Variants in SARNP observed in about 807,000 individuals in gnomAD.
The protein encoded by SARNP is SAP domain-containing ribonucleoprotein.
A neutral mutation model predicts 38.1 loss-of-function variants in SARNP; 5 were observed. That is an observed-to-expected ratio of 0.13 (90% CI 0.07 to 0.28). The LOEUF (loss-of-function observed/expected upper bound fraction) is 0.28, where lower values mean the gene tolerates loss of function less well. SARNP is among the 10% of genes least tolerant of loss of function. SARNP has a pLI of 1.00. For missense variants in SARNP, 180 were observed against 243.9 expected, an observed-to-expected ratio of 0.74 and a Z score of 1.75; for synonymous variants, 84 against 80.6, an observed-to-expected ratio of 1.04 and a Z score of -0.23.
At position 55,800,583 on chromosome 12, in the gene SARNP, G is replaced by T. The variant is rs200530673; in HGVS notation, c.230C>A (p.Pro77His). 3.7e-6 allele frequency: 6 copies of T among 1,610,896 alleles called. No individual in the cohort carries two copies. The highest frequency in any genetic ancestry group is 3.4e-5 in the Admixed American group (2 of 59,476). ...TTACACATCAACAGTTTTTTCAGGG[G>T]GTTCTTCCTCTTTGACAGGGAGCTC... ...PIELPVKEEE[P>H]PEKTVDVAAE... Residue 77 changes from proline to histidine, a missense_variant, in exon 4 of 11, where the codon CCC becomes CAC. By Grantham distance (77) the Pro-to-His change is moderately conservative. Around this residue, in one of 2 missense-constraint regions of SARNP, gnomAD observed 161 missense variants for 194.1 expected, o/e 0.83. Transcript: ENST00000336133.
chr12:55,760,689 C>T, intron 9 of SARNP, 49 bp from the exon 10 acceptor site: 7 of 1,221,634 alleles, frequency 5.7e-6, no homozygotes, highest in South Asian at 1.2e-5. Context: ...CTCCATTCAC[C>T]AAGTAAATGG....
At chr12:55,791,336 T>C (rs1439845440) in intron 7 of SARNP, among the ~76,000 whole-genome samples, 1 of 152,204 alleles carries the variant, frequency 6.6e-6, no homozygotes, top group Non-Finnish European at 1.5e-5. Flanking sequence ...ATAAATTGCA[T>C]CTCAGTAAAG....
Position 55,794,351 on chromosome 12 carries a change from A to C in SARNP, c.406+8T>G. The C allele has an allele frequency of 6.2e-7, 1 of 1,605,764 alleles. No homozygotes were observed. Among genetic ancestry groups the C allele is most frequent in the East Asian group, 2.2e-5 (1 of 44,804 alleles). On this transcript the variant is annotated splice_region_variant and intron_variant, in intron 7 of 10. Coordinates refer to ENST00000336133, the MANE Select transcript of SARNP (RefSeq NM_033082.4). ...GTAACTTTCTCAGAAGTATCTCTGT[A>C]CTCTTACCTTTTGTTGGAACTGAAG...
intron 4 of SARNP, among the ~76,000 whole-genome samples, chr12:55,796,712 C>G (rs1412699038): frequency 6.6e-6 from 1 of 152,114 alleles, no homozygotes; most frequent in Non-Finnish European, 1.5e-5. Flanking sequence ...CTTTAATTTA[C>G]TTTTGAACTA....
intron 1 of SARNP, among the ~76,000 whole-genome samples, chr12:55,811,068 C>T (rs1461246136): frequency 8.1e-6 from 1 of 124,148 alleles, no homozygotes; most frequent in African/African-American, 3.1e-5. Context: ...GGTGACAGAG[C>T]GAGACTCCAT....
intron 10 of SARNP, among the ~76,000 whole-genome samples, chr12:55,758,685 G>T (rs1232328450): frequency 1.3e-5 from 2 of 151,892 alleles, no homozygotes; most frequent in African/African-American, 4.8e-5. Context: ...CATCCTGTTG[G>T]TACTGTCCTC....
chr12:55,806,887 A>C (rs1309855066), intron 1 of SARNP, among the ~76,000 whole-genome samples: 2 of 152,226 alleles, frequency 1.3e-5, no homozygotes, highest in Non-Finnish European at 2.9e-5. Context: ...GACAGCCAAA[A>C]AATGCTTTAT....
chr12:55,775,060 T>C (rs1274963947), intron 9 of SARNP, among the ~76,000 whole-genome samples: 1 of 150,686 alleles, frequency 6.6e-6, no homozygotes, highest in Admixed American at 6.6e-5. Context: ...CTAATTTTTT[T>C]GTATTTTTAG....
chr12:55,808,344 G>C lies in SARNP; in HGVS notation c.37-4616C>G, dbSNP rs569346240. On this transcript the variant is annotated intron_variant, in intron 1 of 10. Transcript: ENST00000336133. Reference sequence around the variant, plus strand: ...ACAATTTTTTTTTTTTTGAGATGGAGTTTCACTCTTGCTGCCCAGGCTGGA... The same window carrying C: ...ACAATTTTTTTTTTTTTGAGATGGACTTTCACTCTTGCTGCCCAGGCTGGA... 2.6e-5 allele frequency among the ~76,000 whole-genome samples: 4 copies of C among 151,358 alleles called. No individual in the cohort carries two copies. In the East Asian group the frequency reaches 7.8e-4, roughly 30 times the overall value.
intron 9 of SARNP, among the ~76,000 whole-genome samples, chr12:55,780,319 T>A (rs1167856909): frequency 6.6e-6 from 1 of 152,048 alleles, no homozygotes; most frequent in Admixed American, 6.6e-5. Context: ...CCGGGCATAG[T>A]AGCACATGCC....
chr12:55,785,552 G>A (rs1021461995), intron 9 of SARNP, among the ~76,000 whole-genome samples: 2 of 148,680 alleles, frequency 1.3e-5, no homozygotes, highest in Non-Finnish European at 3.0e-5. Context: ...CACTTTGGGA[G>A]GCCAAAGTGA....
intron 9 of SARNP, among the ~76,000 whole-genome samples, chr12:55,761,203 CAGTA>C (rs1878665690): frequency 6.6e-6 from 1 of 150,888 alleles, no homozygotes; most frequent in Non-Finnish European, 1.5e-5. Context: ...ATAAAATAAA[CAGTA>C]AGAAACACCC....
chr12:55,804,151 C>T (rs1880066590), intron 1 of SARNP, among the ~76,000 whole-genome samples: 3 of 152,264 alleles, frequency 2.0e-5, no homozygotes, highest in South Asian at 4.1e-4. Flanking sequence ...ATCCCAGATC[C>T]GTTATTACAA....
intron 9 of SARNP, among the ~76,000 whole-genome samples, chr12:55,769,577 T>C (rs1194256592): frequency 6.6e-6 from 1 of 152,234 alleles, no homozygotes; most frequent in Admixed American, 6.5e-5. Flanking sequence ...CCCTTTCTAC[T>C]GGCTGCCATA....
intron 1 of SARNP, among the ~76,000 whole-genome samples, chr12:55,810,851 C>T (rs1592584188): frequency 2.7e-5 from 4 of 150,854 alleles, no homozygotes; most frequent in Admixed American, 6.6e-5. Flanking sequence ...CCGAGGCGGG[C>T]GGATCACCTG....
intron 2 of SARNP, among the ~76,000 whole-genome samples, chr12:55,803,127 T>C (rs574397653): frequency 9.2e-5 from 14 of 151,624 alleles, no homozygotes; most frequent in South Asian, 2.1e-4. Flanking sequence ...AAATGAGGAA[T>C]AGAAATAAAA....
In SARNP at chr12:55,790,601, GTAAA is replaced by G; in HGVS notation, c.407-13_407-10del. 6.6e-7 allele frequency: 1 copy of G among 1,508,906 alleles called. No homozygotes were observed. The highest frequency in any genetic ancestry group is 8.9e-7 in the Non-Finnish European group (1 of 1,126,350). The allele number at this position is 1,508,906 out of a possible 1,614,324, so 93.5% of individuals were successfully genotyped here. ...GTTATCAGATGACAGACCTAAGGAA[GTAAA>G]TAAAGTTTTATTTAATATTTTTAAA... On this transcript the variant is annotated splice_polypyrimidine_tract_variant and intron_variant, in intron 7 of 10. Coordinates refer to ENST00000336133, the MANE Select transcript of SARNP (RefSeq NM_033082.4).
chr12:55,754,241 T>C (rs1878432056), downstream of SARNP: 3 of 152,224 alleles, frequency 2.0e-5, no homozygotes, highest in Admixed American at 2.0e-4. Context: ...CTGTGGCTCA[T>C]TTGTTTCCTA....
rs199532602 is a variant in SARNP at position 55,810,451 on chromosome 12, ATT to A, written c.37-6725_37-6724del. Among the ~76,000 whole-genome samples, 106 of 136,020 alleles carry A rather than the reference ATT, an allele frequency of 7.8e-4. 1 individual carries two copies. Among genetic ancestry groups the A allele is most frequent in the African/African-American group, 2.3e-3 (84 of 36,984 alleles). The allele number at this position is 136,020 out of a possible 152,430, so 89.2% of individuals were successfully genotyped here. A position where few individuals can be genotyped will look rare whatever the true frequency, so the allele number is the denominator to read the frequency against. ...ATTTCTTCTAGTTAACTGACCTTGA[ATT>A]TTTTTTTTTTTTTTTTGAGACTCAG... On this transcript the variant is annotated intron_variant, in intron 1 of 10. Coordinates refer to ENST00000336133, the MANE Select transcript of SARNP (RefSeq NM_033082.4).
Sources: allele counts gnomAD v4.1 joint callset (sites outside exome capture counted in the v4.1 genomes callset), GRCh38; gene constraint gnomAD v4.1.1; regional missense constraint gnomAD v4.1.1; transcripts MANE v1.5; gene names NCBI Gene and HGNC (gene_info 2026-07-23, HGNC 2026-07-21).